Variants in FHIT observed in about 807,000 individuals in gnomAD.
The protein encoded by FHIT is bis(5'-adenosyl)-triphosphatase.
A neutral mutation model predicts 17.9 loss-of-function variants in FHIT; 19 were observed. That is an observed-to-expected ratio of 1.06 (90% CI 0.74 to 1.56). The LOEUF is 1.56. FHIT is among the 40% of genes most tolerant of loss of function. The probability of loss-of-function intolerance (pLI) is 0.00; values close to 1 mark genes in which losing one functional copy is unlikely to be tolerated. For missense variants in FHIT, 248 were observed against 189.2 expected (o/e 1.31, Z -1.82); for synonymous variants, 81 against 69.7 (o/e 1.16, Z -0.81).
At chr3:60,349,902 T>C (rs1004427199) in intron 5 of FHIT, among the ~76,000 whole-genome samples, 1 of 152,188 alleles carries the variant, frequency 6.6e-6, no homozygotes, top group South Asian at 2.1e-4. Context: ...AACCTAGTTA[T>C]GTTGACATCT....
chr3:60,969,106 T>C (rs1026627718), intron 3 of FHIT, among the ~76,000 whole-genome samples: 10 of 152,268 alleles, frequency 6.6e-5, no homozygotes, highest in African/African-American at 2.4e-4. Context: ...ATATAACTGA[T>C]ATTGCTTCTT....
intron 5 of FHIT, among the ~76,000 whole-genome samples, chr3:60,415,755 A>T (rs976735015): frequency 8.0e-5 from 12 of 149,700 alleles, no homozygotes; most frequent in Non-Finnish European, 1.5e-4. Flanking sequence ...AAAAGTCTCT[A>T]TCATGGATTA....
At chr3:61,176,909 C>G (rs2038172754) in intron 2 of FHIT, among the ~76,000 whole-genome samples, 1 of 152,208 alleles carries the variant, frequency 6.6e-6, no homozygotes, top group African/African-American at 2.4e-5. Context: ...GGCGTGGTGG[C>G]TCACGCCTGT....
In FHIT at chr3:59,786,111, A is replaced by C. The variant is rs374541147; in HGVS notation, c.349-33790T>G. 9.4e-3 allele frequency among the ~76,000 whole-genome samples: 1,436 copies of C among 152,290 alleles called. 20 individuals carry two copies. The highest frequency in any genetic ancestry group is 0.017 in the Middle Eastern group (5 of 294). ...GAAATGGGGGTAAGGAGGGAAACTT[A>C]TCATCCTTTTCAGCCAGGTCTGGGC... On this transcript the variant is annotated intron_variant, in intron 8 of 9. Transcript: ENST00000492590.
At chr3:59,992,813 A>G (rs1699343610) in intron 7 of FHIT, among the ~76,000 whole-genome samples, 1 of 151,990 alleles carries the variant, frequency 6.6e-6, no homozygotes, top group South Asian at 2.1e-4. Context: ...TCACCATCAC[A>G]CCCTCGCAAC....
At chr3:59,969,985 G>A (rs1708102711) in intron 7 of FHIT, among the ~76,000 whole-genome samples, 1 of 151,880 alleles carries the variant, frequency 6.6e-6, no homozygotes, top group Non-Finnish European at 1.5e-5. Flanking sequence ...CCAGAAAATT[G>A]TGTTTTCTTT....
In FHIT at chr3:60,045,408, C is replaced by T. The variant is rs147588153; in HGVS notation, c.104-31256G>A. Among the ~76,000 whole-genome samples the T allele has an allele frequency of 5.6e-3, 851 of 152,058 alleles. 9 individuals are homozygous for T. Among genetic ancestry groups the T allele is most frequent in the Non-Finnish European group, 7.0e-3 (473 of 67,992 alleles). ...GCAGCAGGCAAAGAGAGAGTTTGTGCAGGGAAACTCCCCCTTACAAAACCA... is the reference window on the plus strand; with the variant it reads ...GCAGCAGGCAAAGAGAGAGTTTGTGTAGGGAAACTCCCCCTTACAAAACCA... On this transcript the variant is annotated intron_variant, in intron 5 of 9. Coordinates refer to ENST00000492590, the MANE Select transcript of FHIT (RefSeq NM_002012.4).
intron 5 of FHIT, among the ~76,000 whole-genome samples, chr3:60,319,334 G>C (rs1320475717): frequency 2.0e-5 from 3 of 151,990 alleles, no homozygotes; most frequent in African/African-American, 7.3e-5. Context: ...TAGTATGGCA[G>C]AACAAAACGG....
chr3:61,113,284 A>G (rs983291408), intron 2 of FHIT, among the ~76,000 whole-genome samples: 7 of 152,186 alleles, frequency 4.6e-5, no homozygotes, highest in African/African-American at 1.4e-4. Flanking sequence ...TGCTGGAATT[A>G]TAGGTATGAG....
intron 7 of FHIT, among the ~76,000 whole-genome samples, chr3:59,948,664 C>G (rs995211548): frequency 1.3e-5 from 2 of 152,076 alleles, no homozygotes; most frequent in African/African-American, 4.8e-5. Context: ...TAAAAATTGT[C>G]CTAATGTATG....
chr3:60,668,755 C>G lies in FHIT; in HGVS notation c.-17-131776G>C, dbSNP rs369642722. Among the ~76,000 whole-genome samples the G allele has an allele frequency of 2.0e-5, 3 of 152,006 alleles. No individual in the cohort carries two copies. The East Asian group carries it at 5.8e-4, about 29-fold the overall frequency. On this transcript the variant is annotated intron_variant, in intron 4 of 9. Transcript: ENST00000492590. ...TTTGTTTTTGTATTTTTAGTAGAGA[C>G]GGGGTTCCACCGTGTTAGCCAGGAT... is the stretch of plus-strand genomic sequence containing the variant.
intron 4 of FHIT, among the ~76,000 whole-genome samples, chr3:60,589,063 G>A (rs2037997476): frequency 1.3e-5 from 2 of 152,008 alleles, no homozygotes; most frequent in African/African-American, 2.4e-5. Context: ...TGACTCACCC[G>A]TTGGAGTCAC....
chr3:60,255,984 C>T (rs1576377071), intron 5 of FHIT, among the ~76,000 whole-genome samples: 1 of 152,244 alleles, frequency 6.6e-6, no homozygotes, highest in South Asian at 2.1e-4. Context: ...TAAACTGGGT[C>T]GGCTTGCAAG....
chr3:60,302,418 T>C (rs796425795), intron 5 of FHIT, among the ~76,000 whole-genome samples: 7 of 152,206 alleles, frequency 4.6e-5, no homozygotes, highest in African/African-American at 1.4e-4. Flanking sequence ...GCCTCTGACA[T>C]TTATCCCGAA....
At chr3:60,272,948 T>A (rs901873795) in intron 5 of FHIT, among the ~76,000 whole-genome samples, 4 of 152,216 alleles carry the variant, frequency 2.6e-5, no homozygotes, top group African/African-American at 7.2e-5. Context: ...AATTAACGTA[T>A]GTCTAACAAT....
intron 5 of FHIT, among the ~76,000 whole-genome samples, chr3:60,264,316 T>G (rs764300072): frequency 6.6e-6 from 1 of 151,968 alleles, no homozygotes; most frequent in East Asian, 1.9e-4. Flanking sequence ...ATAAAAGGAT[T>G]TTGAATACAT....
At chr3:60,538,001 C>T (rs139764140) in intron 4 of FHIT, among the ~76,000 whole-genome samples, 278 of 152,148 alleles carry the variant, frequency 1.8e-3, no homozygotes, top group Non-Finnish European at 3.2e-3. Context: ...TTTCCTGGCA[C>T]GCAACTCCTA....
intron 5 of FHIT, among the ~76,000 whole-genome samples, chr3:60,296,845 G>A (rs1708233739): frequency 6.8e-6 from 1 of 147,934 alleles, no homozygotes; most frequent in Non-Finnish European, 1.5e-5. Flanking sequence ...TGAGGTATAG[G>A]TTAATTTTTT....
At chr3:60,657,428 A>C (rs1553689915) in intron 4 of FHIT, among the ~76,000 whole-genome samples, 2 of 152,220 alleles carry the variant, frequency 1.3e-5, no homozygotes, top group African/African-American at 2.4e-5. Flanking sequence ...GCACTAAGGC[A>C]AAATGAGCTC....
Sources: allele counts gnomAD v4.1 joint callset (sites outside exome capture counted in the v4.1 genomes callset), GRCh38; gene constraint gnomAD v4.1.1; transcripts MANE v1.5; gene names NCBI Gene and HGNC (gene_info 2026-07-23, HGNC 2026-07-21).